XRN1: variants seen among roughly 807,000 people sequenced by gnomAD.
XRN1 encodes the protein strand-exchange protein 1 homolog.
XRN1 carries 67 observed loss-of-function variants against 222.3 expected under a neutral mutation model. The observed-to-expected ratio is 0.30, with a 90% confidence interval of 0.25 to 0.37. The LOEUF is 0.37. XRN1 is among the 10% of genes least tolerant of loss of function. The pLI is 1.00. For missense variants in XRN1, 1,707 were observed against 2,000.2 expected (o/e 0.85, Z 2.80); for synonymous variants, 643 against 652.4 (o/e 0.99, Z 0.22).
chr3:142,431,875 T>TTATA lies in XRN1; in HGVS notation c.308+782_308+785dup, dbSNP rs377215508. Among the ~76,000 whole-genome samples the TTATA allele has an allele frequency of 6.7e-3, 214 of 32,086 alleles. 8 individuals carry two copies. Among genetic ancestry groups the TTATA allele is most frequent in the African/African-American group, 0.028 (200 of 7,236 alleles). The allele number at this position is 32,086 out of a possible 152,430, so 21.0% of individuals were successfully genotyped here. Reference sequence around the variant, plus strand: ...TATATATTATATATAATATATTATATTATATATATTATATATAATATATAT... The same window carrying TTATA: ...TATATATTATATATAATATATTATATTATATATATATATTATATATAATATATAT... On this transcript the variant is annotated intron_variant, in intron 2 of 40. Transcript: ENST00000392981.
chr3:142,414,787 G>A (rs558858811), intron 13 of XRN1, among the ~76,000 whole-genome samples: 42 of 152,314 alleles, frequency 2.8e-4, no homozygotes, highest in African/African-American at 9.9e-4. Context: ...AAGCCACTGC[G>A]CCTGGCCTAT....
chr3:142,399,732 G>C (rs926159599), intron 19 of XRN1, among the ~76,000 whole-genome samples: 11 of 151,388 alleles, frequency 7.3e-5, no homozygotes, highest in Non-Finnish European at 1.5e-4. Context: ...ATGGAGAGAT[G>C]TATGCAGAGC....
chr3:142,338,756 AT>A (rs1178333975), intron 33 of XRN1, among the ~76,000 whole-genome samples: 1 of 152,092 alleles, frequency 6.6e-6, no homozygotes. Context: ...GCCAGGCAGC[AT>A]TTATCACAAG....
chr3:142,343,390 A>G (rs932379559), intron 33 of XRN1, among the ~76,000 whole-genome samples: 1 of 151,826 alleles, frequency 6.6e-6, no homozygotes, highest in South Asian at 2.1e-4. Context: ...TGAGGCGAAG[A>G]TTTCAGTGAG....
chr3:142,343,471 AAAAG>A (rs1403428058), intron 33 of XRN1, among the ~76,000 whole-genome samples: 1 of 152,068 alleles, frequency 6.6e-6, no homozygotes, highest in Non-Finnish European at 1.5e-5. Flanking sequence ...AAAAAAGAAA[AAAAG>A]AAAAGGTGCT....
chr3:142,384,653 T>C lies in XRN1; in HGVS notation c.2372A>G (p.Glu791Gly), dbSNP rs145651807. 5 of 1,600,190 alleles carry C rather than the reference T, an allele frequency of 3.1e-6. No homozygotes were observed. Among genetic ancestry groups the C allele is most frequent in the Middle Eastern group, 1.7e-4 (1 of 6,020 alleles). ...YLRRKGIIIN[E>G]TSAVVYAQLL... ...CTGAGCATACACAACTGCAGATGTT[T>C]CATTTATTATTATTCCTTTTCTTCT... is the stretch of plus-strand genomic sequence containing the variant. The change falls in exon 21 of 41, where the codon GAA (glutamate) becomes GGA (glycine). Residue 791 changes from glutamate (E) to glycine (G), a missense_variant. Coordinates refer to ENST00000392981, the MANE Select transcript of XRN1 (RefSeq NM_001282857.2).
At chr3:142,419,706 C>A (rs907550250) in intron 10 of XRN1, among the ~76,000 whole-genome samples, 2 of 151,862 alleles carry the variant, frequency 1.3e-5, no homozygotes, top group African/African-American at 4.8e-5. Context: ...ACTCAGGAGG[C>A]TGAGGCAGGG....
chr3:142,333,743 T>G lies in XRN1; in HGVS notation c.3940-654A>C, dbSNP rs76428151. 4.1e-4 allele frequency among the ~76,000 whole-genome samples: 62 copies of G among 152,232 alleles called. No individual in the cohort carries two copies. The East Asian group carries it at 0.011, about 27-fold the overall frequency. ...GATGGTATTAGTGTCCTTATATGAA[T>G]AGAAAGAGAATAGAGCTCTTTCTCT... On this transcript the variant is annotated intron_variant, in intron 34 of 40. Transcript: ENST00000392981.
chr3:142,365,065 T>C lies in XRN1; in HGVS notation c.3376A>G (p.Ile1126Val), dbSNP rs2066774112. 3 of 1,613,134 alleles carry C rather than the reference T, an allele frequency of 1.9e-6. No homozygotes were observed. Among genetic ancestry groups the C allele is most frequent in the African/African-American group, 2.7e-5 (2 of 74,874 alleles). ...FSVPVGLRGT[I>V]IGIKGANREA... is the part of the protein sequence containing the mutation. ...ATATTACCTCCTTTTATTCCTATGA[T>C]GGTGCCTCGAAGGCCAACTGGAACT... Residue 1126 changes from isoleucine to valine, a missense_variant, in exon 29 of 41, where the codon ATC (isoleucine) becomes GTC (valine). By Grantham distance (29) the Ile-to-Val change is conservative. Around this residue, in one of 2 missense-constraint regions of XRN1, gnomAD observed 1,234 missense variants for 1,518.2 expected, o/e 0.81. Coordinates refer to ENST00000392981, the MANE Select transcript of XRN1 (RefSeq NM_001282857.2).
intron 33 of XRN1, among the ~76,000 whole-genome samples, chr3:142,341,450 A>C (rs574970298): frequency 9.9e-5 from 15 of 152,022 alleles, no homozygotes; most frequent in African/African-American, 3.6e-4. Context: ...ATAATAACAA[A>C]AGGAAGAATA....
chr3:142,326,442 G>A (rs1419478688), intron 37 of XRN1, among the ~76,000 whole-genome samples: 1 of 151,830 alleles, frequency 6.6e-6, no homozygotes, highest in Admixed American at 6.6e-5. Context: ...TAATTTCTTG[G>A]TTTCTTTTTC....
intron 30 of XRN1, among the ~76,000 whole-genome samples, chr3:142,358,701 A>C (rs1016299351): frequency 6.6e-6 from 1 of 152,178 alleles, no homozygotes; most frequent in Non-Finnish European, 1.5e-5. Context: ...ATCAGACAGG[A>C]GATCCGGATT....
rs1277993016 is a variant in XRN1, at chr3:142,332,397, C to T, written c.4200G>A (p.Gln1400=). The part of the protein sequence containing the change: ...NRRDEYGLPS[Q]PKQNKKLASY... ...TACCTAATTTCTTATTTTGTTTAGG[C>T]TGAGAGGGTAATCCATATTCATCTC... The change falls in exon 36 of 41, where the codon CAG becomes CAA. Residue 1400 remains glutamine, a synonymous_variant. Coordinates refer to ENST00000392981, the MANE Select transcript of XRN1 (RefSeq NM_001282857.2). 1 of 1,607,616 alleles carries T rather than the reference C, an allele frequency of 6.2e-7. No homozygotes were observed. Among genetic ancestry groups the T allele is most frequent in the Admixed American group, 1.7e-5 (1 of 59,362 alleles).
At chr3:142,360,713 TA>T (rs546169839) in intron 29 of XRN1, among the ~76,000 whole-genome samples, 23 of 145,172 alleles carry the variant, frequency 1.6e-4, no homozygotes, top group Non-Finnish European at 1.2e-4. Context: ...AAATAAAAAA[TA>T]AAAAAAAAAA....
intron 15 of XRN1, among the ~76,000 whole-genome samples, chr3:142,411,795 C>T (rs1214004536): frequency 6.6e-6 from 1 of 151,198 alleles, no homozygotes; most frequent in African/African-American, 2.4e-5. Flanking sequence ...TATAGCATTA[C>T]TCAAATCTTC....
At chr3:142,437,774 AATGT>A (rs1384876650) in intron 1 of XRN1, among the ~76,000 whole-genome samples, 1 of 152,212 alleles carries the variant, frequency 6.6e-6, no homozygotes, top group African/African-American at 2.4e-5. Flanking sequence ...GAATGGAAGA[AATGT>A]ATTTGCAAAC....
intron 25 of XRN1, among the ~76,000 whole-genome samples, chr3:142,372,880 T>C (rs1269248077): frequency 1.3e-5 from 2 of 152,210 alleles, no homozygotes; most frequent in Non-Finnish European, 2.9e-5. Flanking sequence ...AAGATAAACA[T>C]GCAGGTAGTG....
chr3:142,406,693 ATTTT>A (rs756325232), intron 15 of XRN1, among the ~76,000 whole-genome samples: 1 of 140,384 alleles, frequency 7.1e-6, no homozygotes, highest in Non-Finnish European at 1.6e-5. Context: ...CATCCAGTTC[ATTTT>A]TTTTTTTTTT....
At chr3:142,365,218 A>C in intron 28 of XRN1, 39 bp from the exon 29 acceptor site, 3 of 1,583,308 alleles carry the variant, frequency 1.9e-6, no homozygotes, top group Non-Finnish European at 2.6e-6. Context: ...TAAACAAAAA[A>C]ATTTTCATAC....
Sources: allele counts gnomAD v4.1 joint callset (sites outside exome capture counted in the v4.1 genomes callset), GRCh38; gene constraint gnomAD v4.1.1; regional missense constraint gnomAD v4.1.1; transcripts MANE v1.5; gene names NCBI Gene and HGNC (gene_info 2026-07-23, HGNC 2026-07-21).